Variants in CRISPLD1 observed in about 807,000 individuals in gnomAD.
The protein encoded by CRISPLD1 is cysteine rich secretory protein LCCL domain containing 1.
CRISPLD1 carries 60 observed loss-of-function variants against 77.5 expected under a neutral mutation model. The observed-to-expected ratio is 0.77, with a 90% CI of 0.63 to 0.96. The LOEUF (loss-of-function observed/expected upper bound fraction) is 0.96, where lower values mean the gene tolerates loss of function less well. CRISPLD1 is among the 40% of genes least tolerant of loss of function. The pLI is 0.00. For synonymous variants in CRISPLD1, 195 were observed against 200.1 expected (o/e 0.97, Z 0.22); for missense variants, 623 against 615.8 (o/e 1.01, Z -0.12).
intron 2 of CRISPLD1, among the ~76,000 whole-genome samples, chr8:74,993,463 G>C (rs573529504): frequency 6.6e-6 from 1 of 152,138 alleles, no homozygotes; most frequent in East Asian, 1.9e-4. Context: ...AGGTGTTTTT[G>C]CTTTAATAGT....
chr8:75,002,303 T>G (rs1035424071), intron 2 of CRISPLD1, among the ~76,000 whole-genome samples: 1 of 149,866 alleles, frequency 6.7e-6, no homozygotes, highest in Admixed American at 6.7e-5. Flanking sequence ...CAGGATACAT[T>G]AATTACAGCA....
chr8:74,991,407 T>C (rs566412470), intron 2 of CRISPLD1, among the ~76,000 whole-genome samples: 1 of 152,320 alleles, frequency 6.6e-6, no homozygotes, highest in South Asian at 2.1e-4. Context: ...TTCTGTTGAC[T>C]TCTGGCTGCT....
chr8:75,025,583 CA>C lies in CRISPLD1; in HGVS notation c.1283del (p.His428LeufsTer5). ...TCGTAACTGTATGCAAGCAAATCCA[CA>C]TTATGCTCGTGTAATTGGAACTCGA... ...CPRNCMQANPHYARVIGTRVY... is the reference protein window; with the variant it reads ...CPRNCMQANPXYARVIGTRVY... On this transcript the variant is annotated frameshift_variant, in exon 13 of 15. Coordinates refer to ENST00000262207, the MANE Select transcript of CRISPLD1 (RefSeq NM_031461.6). LOFTEE classifies it high-confidence loss of function. The C allele has an allele frequency of 6.3e-7, 1 of 1,590,432 alleles. No homozygotes were observed. Among genetic ancestry groups the C allele is most frequent in the Non-Finnish European group, 8.6e-7 (1 of 1,160,922 alleles).
chr8:74,992,353 A>G (rs1474144018), intron 2 of CRISPLD1, among the ~76,000 whole-genome samples: 1 of 131,426 alleles, frequency 7.6e-6, no homozygotes, highest in Non-Finnish European at 1.7e-5. Context: ...GTCCTATAAC[A>G]TAGAGCTACT....
intron 2 of CRISPLD1, 63 bp downstream of exon 2, chr8:74,986,308 T>G: frequency 6.9e-7 from 1 of 1,445,088 alleles, no homozygotes; most frequent in Non-Finnish European, 9.6e-7. Context: ...CAGTCAGCAG[T>G]CTTCATGCTG....
chr8:74,992,926 T>G (rs936022411), intron 2 of CRISPLD1, among the ~76,000 whole-genome samples: 1 of 150,222 alleles, frequency 6.7e-6, no homozygotes, highest in Non-Finnish European at 1.5e-5. Context: ...TTTTTTTTTT[T>G]CCTTCTGTGC....
chr8:75,000,928 C>T lies in CRISPLD1; in HGVS notation c.259-11505C>T, dbSNP rs11998299. ...TGGACAGAATAAAAAGGATTGAATT[C>T]TGTCTTGACAAAATAGTTTTATTAG... is the stretch of plus-strand genomic sequence containing the variant. On this transcript the variant is annotated intron_variant, in intron 2 of 14. Transcript: ENST00000262207. Among the ~76,000 whole-genome samples, 1,411 of 152,158 alleles carry T rather than the reference C, an allele frequency of 9.3e-3. 20 individuals carry two copies. Among genetic ancestry groups the T allele is most frequent in the African/African-American group, 0.032 (1,324 of 41,506 alleles).
chr8:75,029,944 C>T (rs1225141657), intron 14 of CRISPLD1, among the ~76,000 whole-genome samples: 1 of 152,094 alleles, frequency 6.6e-6, no homozygotes, highest in Non-Finnish European at 1.5e-5. Flanking sequence ...ACCAAATTCT[C>T]TTATTGATTT....
At chr8:74,992,394 G>T (rs999985743) in intron 2 of CRISPLD1, among the ~76,000 whole-genome samples, 1 of 152,052 alleles carries the variant, frequency 6.6e-6, no homozygotes, top group East Asian at 1.9e-4. Flanking sequence ...GAAATGTTTT[G>T]GAATTTAAAT....
At chr8:75,028,656 A>G (rs1813277739) in intron 13 of CRISPLD1, among the ~76,000 whole-genome samples, 1 of 152,166 alleles carries the variant, frequency 6.6e-6, no homozygotes, top group African/African-American at 2.4e-5. Context: ...CTGAAACAAC[A>G]ATTTTCTTCT....
chr8:75,013,070 T>C (rs1435840277), intron 4 of CRISPLD1, 48 bp downstream of exon 4: 2 of 1,413,858 alleles, frequency 1.4e-6, no homozygotes, highest in Non-Finnish European at 1.9e-6. Flanking sequence ...TGAGTTAATG[T>C]AACTATGAAA....
At chr8:74,999,840 C>T (rs951739103) in intron 2 of CRISPLD1, among the ~76,000 whole-genome samples, 1 of 149,256 alleles carries the variant, frequency 6.7e-6, no homozygotes, top group African/African-American at 2.5e-5. Flanking sequence ...ATAATTTTCT[C>T]TCCTCTAAGG....
chr8:74,997,589 C>T (rs1812665653), intron 2 of CRISPLD1, among the ~76,000 whole-genome samples: 1 of 152,060 alleles, frequency 6.6e-6, no homozygotes, highest in African/African-American at 2.4e-5. Context: ...AATAAGATCA[C>T]CCAAGAAGAA....
At chr8:75,029,274 C>G in intron 13 of CRISPLD1, 113 bp from the exon 14 acceptor site, 1 of 1,036,898 alleles carries the variant, frequency 9.6e-7, no homozygotes, top group South Asian at 1.7e-5. Context: ...TGCTCACTGG[C>G]TATCCATGAC....
Position 75,002,970 on chromosome 8 carries a change from A to G in CRISPLD1, c.259-9463A>G, listed in dbSNP as rs192072511. ...TTTTAATATTGAGGAAAATAATGCT[A>G]TAGTCATATTCCTGAGGAATGTCTA... On this transcript the variant is annotated intron_variant, in intron 2 of 14. Coordinates refer to ENST00000262207, the MANE Select transcript of CRISPLD1 (RefSeq NM_031461.6). 2.0e-3 allele frequency among the ~76,000 whole-genome samples: 303 copies of G among 152,328 alleles called. 2 individuals carry two copies. The highest frequency in any genetic ancestry group is 2.7e-3 in the Admixed American group (41 of 15,306).
chr8:74,993,378 A>C (rs1412398618), intron 2 of CRISPLD1, among the ~76,000 whole-genome samples: 1 of 152,208 alleles, frequency 6.6e-6, no homozygotes, highest in Admixed American at 6.5e-5. Flanking sequence ...ATTTCTGTTT[A>C]AAGAATATCA....
intron 13 of CRISPLD1, among the ~76,000 whole-genome samples, chr8:75,028,275 A>G (rs2128788945): frequency 6.6e-6 from 1 of 152,312 alleles, no homozygotes; most frequent in African/African-American, 2.4e-5. Context: ...CTTGGCATTC[A>G]GACTCTGATC....
intron 2 of CRISPLD1, among the ~76,000 whole-genome samples, chr8:75,007,859 T>C (rs1812861506): frequency 1.3e-5 from 2 of 151,780 alleles, no homozygotes; most frequent in South Asian, 4.2e-4. Flanking sequence ...TTTTTACTTT[T>C]TGTAAAGACA....
chr8:75,014,177 T>C (rs541291511), intron 5 of CRISPLD1, 75 bp downstream of exon 5: 3 of 924,808 alleles, frequency 3.2e-6, no homozygotes, highest in Non-Finnish European at 5.3e-6. Flanking sequence ...TTCCTGATTG[T>C]TCCCCATTTT....
Sources: gnomAD v4.1 joint callset for allele counts (sites outside exome capture counted in the v4.1 genomes callset) on GRCh38, gnomAD v4.1.1 for gene constraint, MANE v1.5 for transcripts, NCBI Gene and HGNC (gene_info 2026-07-23, HGNC 2026-07-21) for gene names.